Variants in GABRB3 observed in about 807,000 individuals in gnomAD.
GABRB3 encodes gamma-aminobutyric acid type A receptor subunit beta3, also known as gamma-aminobutyric acid receptor subunit beta-3.
In GABRB3, 14 loss-of-function variants were observed where a neutral mutation model predicts 52.1. The ratio of observed to expected loss-of-function variants is 0.27; its 90% confidence interval spans 0.18 to 0.42. GABRB3 has a LOEUF of 0.42. Ranked by LOEUF, GABRB3 falls within the 10% of genes least tolerant of loss-of-function variation. The probability of loss-of-function intolerance (pLI) is 1.00; values close to 1 mark genes in which losing one functional copy is unlikely to be tolerated. For missense variants in GABRB3, 307 were observed against 609.1 expected (o/e 0.50, Z 5.22); for synonymous variants, 260 against 232.3 (o/e 1.12, Z -1.08).
intron 3 of GABRB3, chr15:26,629,140 G>C: frequency 6.6e-7 from 1 of 1,520,368 alleles, no homozygotes; most frequent in Non-Finnish European, 8.8e-7. Context: ...GAAGCTCGGG[G>C]AGGCGCAGGG....
chr15:26,680,012 C>CA (rs1432198122), intron 3 of GABRB3, among the ~76,000 whole-genome samples: 1 of 152,182 alleles, frequency 6.6e-6, no homozygotes, highest in Non-Finnish European at 1.5e-5. Context: ...GATGTCTGTT[C>CA]AAACACAAGT....
At chr15:26,681,037 T>G (rs902186251) in intron 3 of GABRB3, among the ~76,000 whole-genome samples, 16 of 152,214 alleles carry the variant, frequency 1.1e-4, no homozygotes, top group African/African-American at 3.9e-4. Flanking sequence ...CTAATCCTTG[T>G]TTTCCTTTAG....
At chr15:26,686,379 C>G (rs1346715096) in intron 3 of GABRB3, among the ~76,000 whole-genome samples, 1 of 152,186 alleles carries the variant, frequency 6.6e-6, no homozygotes. Context: ...TTTCAGGGGG[C>G]ATTCTCACCT....
intron 3 of GABRB3, among the ~76,000 whole-genome samples, chr15:26,747,961 T>C (rs1890394070): frequency 1.6e-4 from 3 of 19,070 alleles, no homozygotes; most frequent in Non-Finnish European, 1.1e-3. Context: ...GCTTTTTTTT[T>C]TTTTTTTTTT....
chr15:26,766,709 C>T (rs1891006352), intron 3 of GABRB3, among the ~76,000 whole-genome samples: 1 of 152,070 alleles, frequency 6.6e-6, no homozygotes, highest in Non-Finnish European at 1.5e-5. Context: ...AACTGCAACT[C>T]CAACTGCAAC....
At position 26,561,089 on chromosome 15, in the gene GABRB3, A is replaced by G. The variant is rs746425161; in HGVS notation, c.923T>C (p.Met308Thr). 6.2e-7 allele frequency: 1 copy of G among 1,614,226 alleles called. No individual in the cohort carries two copies. The highest frequency in any genetic ancestry group is 1.7e-5 in the Admixed American group (1 of 60,024). The stretch of plus-strand genomic sequence containing the variant: ...AAAGACGAAGCAGCCCATAAGGTAC[A>G]TGTCAATGGCTTTGACATAGGGGAT... Reference protein sequence around the residue: ...PKIPYVKAIDMYLMGCFVFVF... With the variant: ...PKIPYVKAIDTYLMGCFVFVF... Residue 308 changes from methionine (M) to threonine (T), a missense_variant, in exon 8 of 9, where the codon ATG becomes ACG. Around this residue, in one of 6 missense-constraint regions of GABRB3, gnomAD observed 32 missense variants for 147.8 expected, o/e 0.22. Transcript: ENST00000311550.
At chr15:26,667,677 T>C (rs1887758318) in intron 3 of GABRB3, among the ~76,000 whole-genome samples, 1 of 152,178 alleles carries the variant, frequency 6.6e-6, no homozygotes, top group African/African-American at 2.4e-5. Context: ...AGGCACTCAT[T>C]CCCAGAGTAG....
intron 3 of GABRB3, chr15:26,658,649 T>G (rs1185169991): frequency 6.6e-6 from 1 of 152,234 alleles, no homozygotes; most frequent in African/African-American, 2.4e-5. Flanking sequence ...GAAGTGTACA[T>G]TTTAAAGGGA....
rs1445059117 is a variant in GABRB3 at position 26,772,975 on chromosome 15, C to A, written c.-13G>T. 4 of 1,405,650 alleles carry A rather than the reference C, an allele frequency of 2.8e-6. No individual in the cohort carries two copies. The highest frequency in any genetic ancestry group is 4.9e-5 in the Admixed American group (2 of 40,582). The allele number at this position is 1,405,650 out of a possible 1,614,324, so 87.1% of individuals were successfully genotyped here. A position where few individuals can be genotyped will look rare whatever the true frequency, so the allele number is the denominator to read the frequency against. ...CAAGGCCCCACATCCCTCCGCCGCG[C>A]CCCGGCACGGGGGAGGGGGCGCCCC... On this transcript the variant is annotated 5_prime_UTR_variant, in exon 1 of 9. Coordinates refer to ENST00000311550, the MANE Select transcript of GABRB3 (RefSeq NM_000814.6).
At chr15:26,749,722 C>T (rs905906091) in intron 3 of GABRB3, among the ~76,000 whole-genome samples, 21 of 152,096 alleles carry the variant, frequency 1.4e-4, no homozygotes, top group African/African-American at 4.6e-4. Flanking sequence ...GCTCTTAGAC[C>T]ATCTTTTTCC....
At chr15:26,604,454 G>C (rs1307293990) in intron 4 of GABRB3, among the ~76,000 whole-genome samples, 1 of 152,118 alleles carries the variant, frequency 6.6e-6, no homozygotes, top group African/African-American at 2.4e-5. Context: ...GCTCAGAATA[G>C]CCCACGCTAT....
intron 3 of GABRB3, chr15:26,657,279 G>A (rs1018991662): frequency 7.2e-5 from 11 of 152,234 alleles, no homozygotes; most frequent in Admixed American, 6.5e-4. Context: ...CAAATGGTGA[G>A]TGGCTTCTCG....
chr15:26,552,742 T>TTCCA (rs1316288811), intron 8 of GABRB3, among the ~76,000 whole-genome samples: 1 of 152,164 alleles, frequency 6.6e-6, no homozygotes, highest in African/African-American at 2.4e-5. Context: ...CTTTATCTCC[T>TTCCA]TCCAGCATCT....
intron 3 of GABRB3, among the ~76,000 whole-genome samples, chr15:26,757,914 T>C (rs573306310): frequency 1.2e-4 from 18 of 152,320 alleles, no homozygotes; most frequent in African/African-American, 4.1e-4. Context: ...TCAAAACTAG[T>C]GTTTTGCCAT....
intron 3 of GABRB3, among the ~76,000 whole-genome samples, chr15:26,653,876 T>A (rs966675905): frequency 6.6e-6 from 1 of 152,224 alleles, no homozygotes; most frequent in African/African-American, 2.4e-5. Flanking sequence ...AGTGTTTGAA[T>A]ATTTAGATAA....
intron 3 of GABRB3, among the ~76,000 whole-genome samples, chr15:26,735,737 C>A (rs1890047583): frequency 1.3e-5 from 2 of 151,942 alleles, no homozygotes; most frequent in Non-Finnish European, 2.9e-5. Context: ...TCGCTTGAGC[C>A]CAAAAGTTTG....
intron 4 of GABRB3, chr15:26,611,898 A>G (rs1892083985): frequency 6.6e-6 from 1 of 152,218 alleles, no homozygotes. Flanking sequence ...GTTAAGCCTA[A>G]AGACAGATTT....
intron 3 of GABRB3, among the ~76,000 whole-genome samples, chr15:26,640,512 G>A (rs906318320): frequency 7.2e-5 from 11 of 151,744 alleles, no homozygotes; most frequent in East Asian, 3.9e-4. Context: ...GCGAGACTCC[G>A]TCTCAAAAAA....
chr15:26,550,259 GGCAGCTGATAGGA>G (rs1236585892), intron 8 of GABRB3: 1 of 152,172 alleles, frequency 6.6e-6, no homozygotes, highest in African/African-American at 2.4e-5. Flanking sequence ...GAAGAAACAA[GGCAGCTGATAGGA>G]GCAAAGATGG....
Sources: gnomAD v4.1 joint callset for allele counts (sites outside exome capture counted in the v4.1 genomes callset) on GRCh38, gnomAD v4.1.1 for gene constraint, gnomAD v4.1.1 regional missense constraint, MANE v1.5 for transcripts, NCBI Gene and HGNC (gene_info 2026-07-23, HGNC 2026-07-21) for gene names.